RBFOX1: variants seen among roughly 807,000 people sequenced by gnomAD.
RBFOX1 encodes RNA binding fox-1 homolog 1.
Under a neutral mutation model 57.7 loss-of-function variants are expected in RBFOX1, and 8 were observed. The observed-to-expected ratio is 0.14, with a 90% CI of 0.08 to 0.25. RBFOX1 has a LOEUF of 0.25. RBFOX1 is among the 10% of genes least tolerant of loss of function. The pLI, the probability that RBFOX1 is intolerant of heterozygous loss-of-function variation, is 1.00. For missense variants in RBFOX1, 611 were observed against 548.5 expected (o/e 1.11, Z -1.14); for synonymous variants, 326 against 222.4 (o/e 1.47, Z -4.15).
At chr16:7,452,266 G>A (rs965107215) in intron 4 of RBFOX1, among the ~76,000 whole-genome samples, 4 of 152,186 alleles carry the variant, frequency 2.6e-5, no homozygotes, top group African/African-American at 9.7e-5. Flanking sequence ...TCTATTTAGG[G>A]TAACAATGTA....
At chr16:5,344,533 A>G (rs1425512418) in intron 1 of RBFOX1, among the ~76,000 whole-genome samples, 1 of 152,120 alleles carries the variant, frequency 6.6e-6, no homozygotes, top group African/African-American at 2.4e-5. Context: ...GCCCTGTGAT[A>G]CTTGCTTTCA....
intron 1 of RBFOX1, among the ~76,000 whole-genome samples, chr16:5,326,679 T>C (rs2064583365): frequency 6.6e-6 from 1 of 152,232 alleles, no homozygotes; most frequent in Admixed American, 6.5e-5. Flanking sequence ...AGGTTATCCG[T>C]TCCAATTAAA....
At chr16:7,397,100 T>C (rs189853507) in intron 4 of RBFOX1, among the ~76,000 whole-genome samples, 8 of 152,338 alleles carry the variant, frequency 5.3e-5, no homozygotes, top group Non-Finnish European at 1.0e-4. Flanking sequence ...ACTATTTTTT[T>C]CAGTGCATGA....
chr16:6,170,358 T>C (rs2096951056), intron 1 of RBFOX1, among the ~76,000 whole-genome samples: 1 of 152,146 alleles, frequency 6.6e-6, no homozygotes. Flanking sequence ...CCAATGCCTT[T>C]GACAGTTCTT....
chr16:5,287,624 C>T (rs761384588), intron 1 of RBFOX1, among the ~76,000 whole-genome samples: 31 of 152,156 alleles, frequency 2.0e-4, no homozygotes, highest in Non-Finnish European at 4.3e-4. Context: ...ATGAGCATGT[C>T]TGGGAAGCTC....
Position 6,244,146 on chromosome 16 carries a change from C to G in RBFOX1, c.-126-72849C>G, listed in dbSNP as rs145142196. The stretch of plus-strand genomic sequence containing the variant: ...AATATAAAATAAATACAGTCTATCA[C>G]TCCATTATCCCTTCTAGTCTACCTT... On this transcript the variant is annotated intron_variant, in intron 1 of 15. Coordinates refer to ENST00000550418, the MANE Select transcript of RBFOX1 (RefSeq NM_018723.4). Among the ~76,000 whole-genome samples, 21 of 152,144 alleles carry G rather than the reference C, an allele frequency of 1.4e-4. 1 individual carries two copies. Among genetic ancestry groups the G allele is most frequent in the Middle Eastern group, 6.8e-3 (2 of 292 alleles).
chr16:6,697,593 G>C (rs969500060), intron 3 of RBFOX1, among the ~76,000 whole-genome samples: 1 of 152,186 alleles, frequency 6.6e-6, no homozygotes, highest in Non-Finnish European at 1.5e-5. Context: ...CCTGGAACTG[G>C]TTTCTGTGTT....
chr16:5,510,393 C>T (rs1597353079), intron 2 of RBFOX1, among the ~76,000 whole-genome samples: 1 of 152,156 alleles, frequency 6.6e-6, no homozygotes, highest in South Asian at 2.1e-4. Flanking sequence ...CCATTTGGAA[C>T]TGGGAGATAG....
chr16:6,511,282 C>T (rs2096250791), intron 2 of RBFOX1, among the ~76,000 whole-genome samples: 1 of 152,116 alleles, frequency 6.6e-6, no homozygotes, highest in South Asian at 2.1e-4. Context: ...GAGGAATAGG[C>T]CAGTGTGCTG....
chr16:7,461,409 G>A (rs756084631), intron 4 of RBFOX1, among the ~76,000 whole-genome samples: 36 of 152,130 alleles, frequency 2.4e-4, no homozygotes, highest in Middle Eastern at 6.8e-3. Flanking sequence ...CTCGTGATCC[G>A]CTCACCTTAG....
intron 1 of RBFOX1, among the ~76,000 whole-genome samples, chr16:5,295,948 C>T (rs1053947455): frequency 6.6e-6 from 1 of 152,204 alleles, no homozygotes; most frequent in Non-Finnish European, 1.5e-5. Context: ...TGCCCCTTAT[C>T]AGAGAGTAAG....
chr16:6,661,122 G>T (rs553962341), intron 3 of RBFOX1, among the ~76,000 whole-genome samples: 1 of 152,286 alleles, frequency 6.6e-6, no homozygotes, highest in East Asian at 1.9e-4. Context: ...ATTCAGTATT[G>T]CTGTTTTCTA....
intron 3 of RBFOX1, among the ~76,000 whole-genome samples, chr16:5,647,169 T>G (rs1043261544): frequency 2.0e-5 from 3 of 152,184 alleles, no homozygotes; most frequent in Non-Finnish European, 2.9e-5. Flanking sequence ...ACCAGTGATA[T>G]GTGGGTGGCA....
At chr16:6,183,660 G>A (rs975571435) in intron 1 of RBFOX1, among the ~76,000 whole-genome samples, 10 of 152,142 alleles carry the variant, frequency 6.6e-5, no homozygotes, top group African/African-American at 2.2e-4. Context: ...TCACGTGGAT[G>A]TCTAGAAGAT....
intron 3 of RBFOX1, among the ~76,000 whole-genome samples, chr16:6,674,572 T>G (rs774311059): frequency 1.3e-5 from 2 of 152,142 alleles, no homozygotes; most frequent in Admixed American, 1.3e-4. Flanking sequence ...TCCACCCACC[T>G]CAGCCTCCCA....
intron 2 of RBFOX1, among the ~76,000 whole-genome samples, chr16:5,593,810 C>T (rs1433375980): frequency 6.6e-6 from 1 of 152,196 alleles, no homozygotes; most frequent in Admixed American, 6.5e-5. Flanking sequence ...CTTGCTTTTG[C>T]TTTACTGTGG....
intron 4 of RBFOX1, among the ~76,000 whole-genome samples, chr16:5,874,771 C>G (rs1318221220): frequency 6.6e-6 from 1 of 152,076 alleles, no homozygotes; most frequent in Non-Finnish European, 1.5e-5. Context: ...TAGCAAGACC[C>G]TCTCTCTCCA....
At chr16:6,974,492 G>T (rs375390505) in intron 3 of RBFOX1, among the ~76,000 whole-genome samples, 1 of 151,460 alleles carries the variant, frequency 6.6e-6, no homozygotes, top group Non-Finnish European at 1.5e-5. Flanking sequence ...TAACAGGTGC[G>T]TGCCACCACG....
chr16:5,632,908 C>G (rs909369627), intron 3 of RBFOX1, among the ~76,000 whole-genome samples: 3 of 150,050 alleles, frequency 2.0e-5, no homozygotes, highest in Non-Finnish European at 4.4e-5. Flanking sequence ...ACCCAGGTCA[C>G]CTGATTCCTG....
Sources: gnomAD v4.1 joint callset for allele counts (sites outside exome capture counted in the v4.1 genomes callset) on GRCh38, gnomAD v4.1.1 for gene constraint, MANE v1.5 for transcripts, NCBI Gene and HGNC (gene_info 2026-07-23, HGNC 2026-07-21) for gene names.